Variants in RFC3 observed in about 807,000 individuals in gnomAD.
RFC3 encodes the protein A1 38 kDa subunit.
A neutral mutation model predicts 45.1 loss-of-function variants in RFC3; 41 were observed. The observed-to-expected ratio is 0.91, with a 90% CI of 0.71 to 1.18. The LOEUF is 1.18. Ranked by LOEUF, RFC3 falls within the 50% of genes most tolerant of loss-of-function variation. The pLI is 0.00. For synonymous variants in RFC3, 149 were observed against 144.0 expected (o/e 1.03, Z -0.25); for missense variants, 423 against 428.1 (o/e 0.99, Z 0.10).
chr13:33,874,916 A>G (rs758934889), intron 8 of RFC3, among the ~76,000 whole-genome samples: 5 of 152,200 alleles, frequency 3.3e-5, no homozygotes, highest in African/African-American at 7.2e-5. Context: ...GAAACATTGA[A>G]CTTGGAGATA....
intron 8 of RFC3, among the ~76,000 whole-genome samples, chr13:33,866,424 G>C (rs1174468248): frequency 6.6e-6 from 1 of 152,204 alleles, no homozygotes; most frequent in African/African-American, 2.4e-5. Context: ...TTTGGAGGTG[G>C]ATAATTGATC....
chr13:33,924,725 GTGTA>G (rs760581737), intron 8 of RFC3, among the ~76,000 whole-genome samples: 3,437 of 132,066 alleles, frequency 0.026, 116 homozygotes, highest in African/African-American at 0.1. Flanking sequence ...GTGTGTGTGT[GTGTA>G]TATATATATA....
At chr13:33,882,540 C>CCT (rs1265605707) in intron 8 of RFC3, among the ~76,000 whole-genome samples, 4 of 152,312 alleles carry the variant, frequency 2.6e-5, no homozygotes, top group Non-Finnish European at 5.9e-5. Flanking sequence ...GGGTTTGCTT[C>CCT]CTCTCTCTGT....
Position 33,922,955 on chromosome 13 carries a change from G to T in RFC3, c.880-43132G>T, listed in dbSNP as rs191043211. Among the ~76,000 whole-genome samples, 178 of 152,194 alleles carry T rather than the reference G, an allele frequency of 1.2e-3. 1 individual carries two copies. The highest frequency in any genetic ancestry group is 1.5e-3 in the Non-Finnish European group (100 of 67,994). ...GTATTGCAGCTGGCATACAGTAAGT[G>T]TTCAATAAATCACTGCTGGAATTTT... On this transcript the variant is annotated intron_variant, in intron 8 of 8. Coordinates refer to the RFC3 transcript ENST00000434425.
At chr13:33,965,520 A>G (rs906640539) in intron 8 of RFC3, among the ~76,000 whole-genome samples, 1 of 152,192 alleles carries the variant, frequency 6.6e-6, no homozygotes, top group African/African-American at 2.4e-5. Context: ...AAATCCCCTT[A>G]CAGTGCATTT....
intron 8 of RFC3, among the ~76,000 whole-genome samples, chr13:33,873,713 C>T (rs2082427817): frequency 2.0e-5 from 3 of 152,320 alleles, no homozygotes; most frequent in African/African-American, 7.2e-5. Context: ...TCCATCTCCT[C>T]ATCTTTAGAC....
intron 8 of RFC3, among the ~76,000 whole-genome samples, chr13:33,889,178 A>G (rs1342578961): frequency 6.6e-6 from 1 of 152,260 alleles, no homozygotes; most frequent in Admixed American, 6.5e-5. Flanking sequence ...CATTGATCCA[A>G]CACATCACTG....
chr13:33,888,814 C>T (rs922081997), intron 8 of RFC3, among the ~76,000 whole-genome samples: 3 of 150,024 alleles, frequency 2.0e-5, no homozygotes, highest in Admixed American at 6.7e-5. Context: ...GGCACAAACT[C>T]AGCTCACTGC....
intron 8 of RFC3, among the ~76,000 whole-genome samples, chr13:33,872,505 G>A (rs372005097): frequency 6.6e-5 from 10 of 152,128 alleles, no homozygotes; most frequent in African/African-American, 9.7e-5. Context: ...AGGCCAAGGC[G>A]GGCGGATCAC....
chr13:33,905,880 A>C (rs757652772), intron 8 of RFC3, among the ~76,000 whole-genome samples: 1 of 152,128 alleles, frequency 6.6e-6, no homozygotes, highest in East Asian at 1.9e-4. Context: ...AAGACAATCC[A>C]TATCTATGTG....
chr13:33,906,472 A>G (rs1044376643), intron 8 of RFC3, among the ~76,000 whole-genome samples: 1 of 151,682 alleles, frequency 6.6e-6, no homozygotes, highest in Admixed American at 6.6e-5. Flanking sequence ...GACACTACCT[A>G]TTCTGATCAT....
chr13:33,900,513 A>G lies in RFC3; in HGVS notation c.879+65296A>G, dbSNP rs955141927. Reference sequence around the variant, plus strand: ...TGAAACTAGATTCCTATCTCTGTCTATCACCATATAGAAAAAAAAACGTAT... The same window carrying G: ...TGAAACTAGATTCCTATCTCTGTCTGTCACCATATAGAAAAAAAAACGTAT... On this transcript the variant is annotated intron_variant, in intron 8 of 8. Coordinates refer to the RFC3 transcript ENST00000434425. 2.7e-5 allele frequency among the ~76,000 whole-genome samples: 4 copies of G among 149,184 alleles called. No individual in the cohort carries two copies. The East Asian group carries it at 7.8e-4, about 29-fold the overall frequency.
At chr13:33,916,934 A>T (rs1593690022) in intron 8 of RFC3, among the ~76,000 whole-genome samples, 1 of 152,146 alleles carries the variant, frequency 6.6e-6, no homozygotes, top group African/African-American at 2.4e-5. Context: ...AACACCCAAC[A>T]TATGTCAGAG....
intron 8 of RFC3, among the ~76,000 whole-genome samples, chr13:33,925,644 A>G (rs1000112227): frequency 5.3e-5 from 8 of 151,148 alleles, no homozygotes; most frequent in Non-Finnish European, 1.5e-5. Flanking sequence ...ATGTATATGT[A>G]TATAGTGAAA....
At chr13:33,818,315 G>A (rs2081967199) in intron 1 of RFC3, 50 bp downstream of exon 1, 2 of 1,500,018 alleles carry the variant, frequency 1.3e-6, no homozygotes, top group Non-Finnish European at 9.3e-7. Context: ...CCCCCGGCTC[G>A]GGGTTTCGCG....
At chr13:33,857,677 G>C (rs1203169569) in intron 8 of RFC3, among the ~76,000 whole-genome samples, 1 of 152,148 alleles carries the variant, frequency 6.6e-6, no homozygotes, top group Non-Finnish European at 1.5e-5. Flanking sequence ...TTAAAACCCA[G>C]TGTGGTAACC....
At chr13:33,901,743 T>C (rs1485477226) in intron 8 of RFC3, among the ~76,000 whole-genome samples, 1 of 152,130 alleles carries the variant, frequency 6.6e-6, no homozygotes, top group Non-Finnish European at 1.5e-5. Context: ...TTATCCCATG[T>C]ACATTGATTT....
chr13:33,858,367 CATA>C (rs1021629474), intron 8 of RFC3, among the ~76,000 whole-genome samples: 1 of 152,134 alleles, frequency 6.6e-6, no homozygotes, highest in Non-Finnish European at 1.5e-5. Context: ...CAGAAAAACC[CATA>C]ATAAAGAATA....
At chr13:33,967,674 G>T (rs1204490169), downstream of RFC3, among the ~76,000 whole-genome samples, 2 of 151,892 alleles carry the variant, frequency 1.3e-5, no homozygotes, top group South Asian at 2.1e-4. Context: ...TTTTAGTAGA[G>T]ATGGGGTTTC....
Sources: allele counts gnomAD v4.1 joint callset (sites outside exome capture counted in the v4.1 genomes callset), GRCh38; gene constraint gnomAD v4.1.1; transcripts MANE v1.5; gene names NCBI Gene and HGNC (gene_info 2026-07-23, HGNC 2026-07-21).